CDKL1: variants seen among roughly 807,000 people sequenced by gnomAD.
The protein encoded by CDKL1 is cyclin dependent kinase like 1, also known as cyclin-dependent kinase-like 1.
CDKL1 carries 41 observed loss-of-function variants against 42.0 expected under a neutral mutation model. The ratio of observed to expected loss-of-function variants is 0.98; its 90% CI spans 0.76 to 1.27. The LOEUF (loss-of-function observed/expected upper bound fraction) is 1.27. CDKL1 is among the 50% of genes most tolerant of loss of function. The pLI is 0.00. For synonymous variants in CDKL1, 153 were observed against 158.6 expected (o/e 0.96, Z 0.26); for missense variants, 394 against 428.4 (o/e 0.92, Z 0.71).
At chr14:50,335,478 C>A in intron 7 of CDKL1, 1 of 1,536,076 alleles carries the variant, frequency 6.5e-7, no homozygotes, top group Non-Finnish European at 8.7e-7. Context: ...TAAACAGTCT[C>A]CTGTGGGGCA....
chr14:50,382,288 TA>T (rs1186134773), intron 2 of CDKL1, among the ~76,000 whole-genome samples: 4 of 151,938 alleles, frequency 2.6e-5, no homozygotes, highest in Non-Finnish European at 4.4e-5. Flanking sequence ...CCGTCTCTAC[TA>T]AAAATACAAA....
intron 2 of CDKL1, among the ~76,000 whole-genome samples, chr14:50,360,724 C>G (rs2034213321): frequency 6.6e-6 from 1 of 151,896 alleles, no homozygotes; most frequent in Non-Finnish European, 1.5e-5. Flanking sequence ...CCGCGCCCAG[C>G]CTCCACTTTC....
chr14:50,358,236 T>C (rs11157738), intron 3 of CDKL1: 612,901 of 939,190 alleles, frequency 0.65, 202,954 homozygotes, highest in African/African-American at 0.75. Context: ...TTTTCACCTA[T>C]GCTTGCTTCA....
intron 2 of CDKL1, among the ~76,000 whole-genome samples, chr14:50,369,170 A>G (rs1019491466): frequency 6.6e-6 from 1 of 152,034 alleles, no homozygotes; most frequent in East Asian, 1.9e-4. Flanking sequence ...CCCGGCCGCT[A>G]CCCTTAACCA....
intron 2 of CDKL1, among the ~76,000 whole-genome samples, chr14:50,392,201 T>A (rs998227348): frequency 2.0e-5 from 3 of 152,236 alleles, no homozygotes; most frequent in African/African-American, 7.2e-5. Context: ...ATCCTAGCAC[T>A]TTGGGAGGCC....
intron 2 of CDKL1, among the ~76,000 whole-genome samples, chr14:50,378,684 T>TGACC (rs969949389): frequency 2.0e-5 from 3 of 151,852 alleles, no homozygotes; most frequent in African/African-American, 4.8e-5. Flanking sequence ...CAGGCACACA[T>TGACC]GACCATGGCT....
At chr14:50,341,930 G>A (rs1360042362) in intron 5 of CDKL1, among the ~76,000 whole-genome samples, 4 of 152,108 alleles carry the variant, frequency 2.6e-5, no homozygotes, top group Admixed American at 6.5e-5. Context: ...ACTTTACTGT[G>A]GTATAATTTA....
At chr14:50,335,581 G>C (rs776801523) in intron 7 of CDKL1, 2 of 1,535,078 alleles carry the variant, frequency 1.3e-6, no homozygotes, top group Non-Finnish European at 8.7e-7. Context: ...GAGGAATGCC[G>C]AATGTCAGGC....
intron 3 of CDKL1, among the ~76,000 whole-genome samples, chr14:50,351,859 C>A (rs1413480637): frequency 6.6e-6 from 1 of 151,840 alleles, no homozygotes; most frequent in African/African-American, 2.4e-5. Flanking sequence ...TAGTATGGTA[C>A]AATGCTCAGC....
chr14:50,356,624 A>T (rs935959984), intron 3 of CDKL1, among the ~76,000 whole-genome samples: 4 of 152,230 alleles, frequency 2.6e-5, no homozygotes. Flanking sequence ...TGGGAGCTGA[A>T]CAATGAGAAC....
intron 3 of CDKL1, among the ~76,000 whole-genome samples, 180 bp downstream of exon 3, chr14:50,358,848 C>T (rs551863338): frequency 1.3e-5 from 2 of 152,028 alleles, no homozygotes; most frequent in South Asian, 2.1e-4. Context: ...CTATGTTGGC[C>T]AGGCTGGTCT....
At chr14:50,332,542 GA>G in intron 8 of CDKL1, 110 bp from the exon 9 acceptor site, 4 of 1,487,476 alleles carry the variant, frequency 2.7e-6, no homozygotes, top group Non-Finnish European at 2.7e-6. Context: ...TAAGAAGGGG[GA>G]AAAGGCAGGA....
At chr14:50,362,881 G>C (rs938270508) in intron 2 of CDKL1, 1 of 412,670 alleles carries the variant, frequency 2.4e-6, no homozygotes, top group African/African-American at 2.0e-5. Context: ...CCCAGCAGTG[G>C]CAACCTACCC....
At chr14:50,369,668 G>T (rs928020676) in intron 2 of CDKL1, among the ~76,000 whole-genome samples, 1 of 151,352 alleles carries the variant, frequency 6.6e-6, no homozygotes, top group African/African-American at 2.4e-5. Flanking sequence ...GCCCAGGCTG[G>T]AGTGCAGTGG....
intron 2 of CDKL1, among the ~76,000 whole-genome samples, chr14:50,365,368 T>C (rs960605237): frequency 2.0e-5 from 3 of 152,198 alleles, no homozygotes; most frequent in African/African-American, 4.8e-5. Flanking sequence ...CTTCAAATAA[T>C]TGCAAATAGC....
chr14:50,360,321 C>T (rs376533629), intron 2 of CDKL1, among the ~76,000 whole-genome samples: 2 of 152,186 alleles, frequency 1.3e-5, no homozygotes, highest in African/African-American at 4.8e-5. Flanking sequence ...ACTCTTTTCA[C>T]TTGCAAAACT....
At chr14:50,370,319 T>C (rs1280966715) in intron 2 of CDKL1, among the ~76,000 whole-genome samples, 1 of 152,046 alleles carries the variant, frequency 6.6e-6, no homozygotes, top group Admixed American at 6.5e-5. Flanking sequence ...GCCACCTGCC[T>C]CAGCTTCCCA....
intron 2 of CDKL1, among the ~76,000 whole-genome samples, chr14:50,374,939 G>A (rs1212014315): frequency 1.3e-5 from 2 of 152,110 alleles, no homozygotes; most frequent in African/African-American, 4.8e-5. Flanking sequence ...TCCTGTTGGG[G>A]GTTGGAGGGC....
rs1566590683 is a variant in CDKL1 at position 50,359,073 on chromosome 14, T to A, written c.245A>T (p.Tyr82Phe). The change falls in exon 3 of 10, where the codon TAT (tyrosine) becomes TTT (phenylalanine). Residue 82 changes from tyrosine to phenylalanine, a missense_variant. By Grantham distance (22) the Tyr-to-Phe change is conservative. Transcript: ENST00000395834. ...RKRRLHLVFEYCDHTVLHELD... is the reference protein window; with the variant it reads ...RKRRLHLVFEFCDHTVLHELD... ...CTCATGGAGAACTGTGTGGTCACAA[T>A]ATTCAAACACCAGGTGAAGCCTCCG... 1 of 1,613,172 alleles carries A rather than the reference T, an allele frequency of 6.2e-7. No homozygotes were observed. The highest frequency in any genetic ancestry group is 2.2e-5 in the East Asian group (1 of 44,868).
Sources: gnomAD v4.1 joint callset for allele counts (sites outside exome capture counted in the v4.1 genomes callset) on GRCh38, gnomAD v4.1.1 for gene constraint, MANE v1.5 for transcripts, NCBI Gene and HGNC (gene_info 2026-07-23, HGNC 2026-07-21) for gene names.